The following PLCE1 variants were observed in gnomAD, a reference collection of about 807,000 sequenced individuals.
The protein encoded by PLCE1 is 1-phosphatidylinositol 4,5-bisphosphate phosphodiesterase epsilon-1.
In PLCE1, 119 loss-of-function variants were observed where a neutral mutation model predicts 242.8. That is an observed-to-expected ratio of 0.49 (90% CI 0.42 to 0.57). The LOEUF (loss-of-function observed/expected upper bound fraction) is 0.57, where lower values mean the gene tolerates loss of function less well. Among genes scored for constraint, PLCE1 ranks in the 20% least tolerant of loss-of-function variants. PLCE1 has a pLI of 0.00. For missense variants in PLCE1, 2,441 were observed against 2,788.8 expected, an observed-to-expected ratio of 0.88 and a Z score of 2.81; for synonymous variants, 945 against 1,017.4, an observed-to-expected ratio of 0.93 and a Z score of 1.35.
chr10:94,203,614 G>A (rs914777303), intron 4 of PLCE1, among the ~76,000 whole-genome samples: 5 of 152,108 alleles, frequency 3.3e-5, no homozygotes, highest in Admixed American at 6.5e-5. Context: ...TTTCATCCAT[G>A]TCCCCATAAT....
chr10:94,031,735 A>G lies in PLCE1; in HGVS notation c.689A>G (p.Tyr230Cys), dbSNP rs376748611. 4.9e-5 allele frequency: 79 copies of G among 1,613,794 alleles called. No homozygotes were observed. Among genetic ancestry groups the G allele is most frequent in the African/African-American group, 4.4e-4 (33 of 75,050 alleles). The change falls in exon 2 of 33, where the codon TAT (tyrosine) becomes TGT (cysteine). Residue 230 changes from tyrosine (Y) to cysteine (C), a missense_variant. Physicochemically the swap from Tyr to Cys is radical, Grantham distance 194. Coordinates refer to ENST00000371380, the MANE Select transcript of PLCE1 (RefSeq NM_016341.4). Reference sequence around the variant, plus strand: ...GGTGAGGAGAAGCAAAAGAAAAACTATGTGGCATATACCTGTAAACTGATG... The same window carrying G: ...GGTGAGGAGAAGCAAAAGAAAAACTGTGTGGCATATACCTGTAAACTGATG... ...PGGEEKQKKN[Y>C]VAYTCKLMEL...
chr10:94,125,989 C>G (rs1290282529), intron 2 of PLCE1, among the ~76,000 whole-genome samples: 2 of 152,088 alleles, frequency 1.3e-5, no homozygotes, highest in Non-Finnish European at 2.9e-5. Context: ...CTGAATTACC[C>G]CAGCTCTTTT....
intron 18 of PLCE1, among the ~76,000 whole-genome samples, chr10:94,272,455 A>G (rs1280231662): frequency 6.6e-6 from 1 of 151,930 alleles, no homozygotes; most frequent in Non-Finnish European, 1.5e-5. Context: ...TATTCTGTTC[A>G]TTTTCAAGGT....
chr10:94,202,899 G>A (rs765876218), intron 4 of PLCE1, among the ~76,000 whole-genome samples: 5 of 152,086 alleles, frequency 3.3e-5, no homozygotes, highest in African/African-American at 4.8e-5. Flanking sequence ...GTCCTCTCGG[G>A]TTTTTCTTTG....
At chr10:94,289,717 G>A (rs1389700759) in intron 22 of PLCE1, among the ~76,000 whole-genome samples, 1 of 152,020 alleles carries the variant, frequency 6.6e-6, no homozygotes, top group Non-Finnish European at 1.5e-5. Context: ...ATCTGTATAG[G>A]GCACTTATCA....
At chr10:94,290,302 A>G (rs1176246473) in intron 22 of PLCE1, among the ~76,000 whole-genome samples, 3 of 150,796 alleles carry the variant, frequency 2.0e-5, no homozygotes, top group Non-Finnish European at 2.9e-5. Flanking sequence ...GGCATGAGCC[A>G]TCGCACCCGG....
chr10:94,040,744 C>T (rs770725798), intron 2 of PLCE1, among the ~76,000 whole-genome samples: 3 of 152,064 alleles, frequency 2.0e-5, no homozygotes, highest in Non-Finnish European at 4.4e-5. Context: ...CAGGAATGAC[C>T]TTGACTGAAC....
At chr10:94,023,592 G>A (rs192740771) in intron 1 of PLCE1, among the ~76,000 whole-genome samples, 156 of 152,246 alleles carry the variant, frequency 1.0e-3, no homozygotes, top group African/African-American at 3.5e-3. Flanking sequence ...TGATTTGCAC[G>A]CTGATTAGAG....
intron 4 of PLCE1, among the ~76,000 whole-genome samples, chr10:94,214,389 A>G (rs771386574): frequency 3.5e-4 from 53 of 152,292 alleles, no homozygotes; most frequent in Non-Finnish European, 6.3e-4. Context: ...GGAGATTAGA[A>G]TTCCAGTTTT....
At chr10:94,158,251 G>A (rs192365303) in intron 3 of PLCE1, among the ~76,000 whole-genome samples, 2 of 152,170 alleles carry the variant, frequency 1.3e-5, no homozygotes, top group East Asian at 3.9e-4. Context: ...CCATACCTCA[G>A]GACTATGCTG....
intron 22 of PLCE1, among the ~76,000 whole-genome samples, chr10:94,285,765 G>A (rs1418035866): frequency 6.6e-6 from 1 of 152,178 alleles, no homozygotes; most frequent in African/African-American, 2.4e-5. Context: ...ACTCTGAGCT[G>A]GGTAGCAAGG....
At chr10:94,294,029 C>T (rs1174246400) in intron 23 of PLCE1, among the ~76,000 whole-genome samples, 1 of 152,108 alleles carries the variant, frequency 6.6e-6, no homozygotes, top group Non-Finnish European at 1.5e-5. Flanking sequence ...ATCGCTTAAG[C>T]CCGGAAGGCA....
chr10:94,036,432 C>T (rs913912808), intron 2 of PLCE1, among the ~76,000 whole-genome samples: 3 of 152,116 alleles, frequency 2.0e-5, no homozygotes, highest in Non-Finnish European at 4.4e-5. Flanking sequence ...TCACATTAAA[C>T]ATTTTTTTTT....
At chr10:94,247,586 G>C (rs1240711592) in intron 8 of PLCE1, among the ~76,000 whole-genome samples, 2 of 152,136 alleles carry the variant, frequency 1.3e-5, no homozygotes, top group Non-Finnish European at 2.9e-5. Flanking sequence ...GCATATTGCT[G>C]CCTAATTGTA....
chr10:94,159,553 A>C (rs1264981836), intron 3 of PLCE1, among the ~76,000 whole-genome samples: 1 of 152,224 alleles, frequency 6.6e-6, no homozygotes, highest in Non-Finnish European at 1.5e-5. Flanking sequence ...CTACAAAGTT[A>C]ATTCAAAGCA....
chr10:94,093,941 T>C (rs1222921749), intron 2 of PLCE1, among the ~76,000 whole-genome samples: 3 of 129,388 alleles, frequency 2.3e-5, no homozygotes, highest in South Asian at 5.4e-4. Flanking sequence ...TTTCTTTTTT[T>C]TTTTTTTTTT....
intron 1 of PLCE1, among the ~76,000 whole-genome samples, chr10:94,007,575 CTTTTTTT>C (rs57779697): frequency 9.3e-5 from 10 of 107,270 alleles, no homozygotes; most frequent in Non-Finnish European, 1.3e-4. Context: ...TTCTCTCTCT[CTTTTTTT>C]TTTTTTTTTT....
chr10:94,298,957 C>T lies in PLCE1; in HGVS notation c.5458+288C>T, dbSNP rs1286651857. 1.3e-5 allele frequency among the ~76,000 whole-genome samples: 2 copies of T among 152,114 alleles called. No homozygotes were observed. Among genetic ancestry groups the T allele is most frequent in the Non-Finnish European group, 2.9e-5 (2 of 68,022 alleles). On this transcript the variant is annotated intron_variant, in intron 24 of 32. Transcript: ENST00000371380. The surrounding 1 kb of genome is among the most constrained non-coding windows in gnomAD (Gnocchi z 5.2). ...AAGCTGCTCTTGACAAAGCCATGCC[C>T]GGTTTATGTTTAAAGCTCTTTTTGG...
At position 94,246,009 on chromosome 10, in the gene PLCE1, C is replaced by G; in HGVS notation, c.2484C>G (p.Asp828Glu). The G allele has an allele frequency of 1.9e-6, 3 of 1,614,028 alleles. No homozygotes were observed. Among genetic ancestry groups the G allele is most frequent in the Non-Finnish European group, 2.5e-6 (3 of 1,179,924 alleles). ...NDIFEQSKEY[D>E]SHGSEDSQKA... ...TCTTTGAGCAATCCAAAGAATACGACTCTCATGGTTCAGAGGACTCACAGA... is the reference window on the plus strand; with the variant it reads ...TCTTTGAGCAATCCAAAGAATACGAGTCTCATGGTTCAGAGGACTCACAGA... Residue 828 changes from aspartate (D) to glutamate (E), a missense_variant, in exon 8 of 33, where the codon GAC becomes GAG. Transcript: ENST00000371380.
Sources: allele counts gnomAD v4.1 joint callset (sites outside exome capture counted in the v4.1 genomes callset), GRCh38; gene constraint gnomAD v4.1.1; non-coding constraint Gnocchi (gnomAD v3.1); transcripts MANE v1.5; gene names NCBI Gene and HGNC (gene_info 2026-07-23, HGNC 2026-07-21).